TBCD: variants seen among roughly 807,000 people sequenced by gnomAD.
TBCD encodes the protein tubulin folding cofactor D.
A neutral mutation model predicts 169.3 loss-of-function variants in TBCD; 105 were observed. The observed-to-expected ratio is 0.62, with a 90% CI of 0.53 to 0.73. The LOEUF (loss-of-function observed/expected upper bound fraction) is 0.73. Among genes scored for constraint, TBCD ranks in the 30% least tolerant of loss-of-function variants. TBCD has a pLI of 0.00. For missense variants in TBCD, 1,444 were observed against 1,600.1 expected (o/e 0.90, Z 1.66); for synonymous variants, 700 against 643.9 (o/e 1.09, Z -1.32).
chr17:82,886,177 C>G (rs577071755), intron 15 of TBCD: 1 of 152,236 alleles, frequency 6.6e-6, no homozygotes, highest in Non-Finnish European at 1.5e-5. Context: ...CAAGACTGGC[C>G]GCGGTCGTCC....
At chr17:82,770,006 C>A (rs1031823672) in intron 5 of TBCD, among the ~76,000 whole-genome samples, 1 of 152,006 alleles carries the variant, frequency 6.6e-6, no homozygotes, top group Non-Finnish European at 1.5e-5. Flanking sequence ...CTCGTTTAAC[C>A]GAGAAGGCAA....
intron 7 of TBCD, among the ~76,000 whole-genome samples, chr17:82,786,955 G>T (rs2049363706): frequency 1.4e-5 from 1 of 70,368 alleles, no homozygotes; most frequent in Non-Finnish European, 2.8e-5. Context: ...GGGTGGGCGG[G>T]ACGGCTCGCT....
intron 5 of TBCD, among the ~76,000 whole-genome samples, chr17:82,768,856 T>C (rs1241936782): frequency 1.3e-5 from 2 of 152,206 alleles, no homozygotes; most frequent in Non-Finnish European, 2.9e-5. Flanking sequence ...TAAGGACCCA[T>C]TTTACATTTA....
At chr17:82,801,451 C>T (rs11078012) in intron 9 of TBCD, among the ~76,000 whole-genome samples, 53,036 of 149,444 alleles carry the variant, frequency 0.35, 9,202 homozygotes, top group Admixed American at 0.4. Flanking sequence ...TCGTGTGGCT[C>T]GGAGTCAGCG....
chr17:82,796,986 G>C (rs2050151773), intron 7 of TBCD, among the ~76,000 whole-genome samples: 1 of 152,248 alleles, frequency 6.6e-6, no homozygotes, highest in South Asian at 2.1e-4. Context: ...GACAGATGCA[G>C]TTCTCACCTT....
rs1046794577 is a variant in TBCD, at chr17:82,893,460, A to C, written c.1564-87A>C. The C allele has an allele frequency of 2.8e-6, 3 of 1,080,372 alleles. No individual in the cohort carries two copies. In the African/African-American group the frequency reaches 4.7e-5, roughly 17 times the overall value. 66.9% of individuals were successfully genotyped at this position (1,080,372 alleles called of 1,614,324 possible). ...CAGGGCTCGGGGTTCATGAGTGTAA[A>C]TGTCTGTGGATGTGATTATTGAACT... On this transcript the variant is annotated intron_variant, in intron 16 of 38. Transcript: ENST00000355528.
Position 82,926,480 on chromosome 17 carries a change from G to A in TBCD, c.2460G>A (p.Lys820=), listed in dbSNP as rs2061771338. The A allele has an allele frequency of 3.1e-6, 5 of 1,613,940 alleles. No individual in the cohort carries two copies. Among genetic ancestry groups the A allele is most frequent in the Non-Finnish European group, 4.2e-6 (5 of 1,179,870 alleles). The change falls in exon 28 of 39, where the codon AAG becomes AAA. Residue 820 remains lysine (K), a synonymous_variant. Coordinates refer to ENST00000355528, the MANE Select transcript of TBCD (RefSeq NM_005993.5). ...SFAESRRDGL[K]AIARICQTVG... ...CTGAGTCCAGGAGAGACGGCTTGAA[G>A]GCCATTGCGAGGTGAGTCCCAACAG...
chr17:82,774,637 A>G (rs586050), intron 6 of TBCD, among the ~76,000 whole-genome samples: 75,245 of 151,816 alleles, frequency 0.5, 20,017 homozygotes, highest in African/African-American at 0.71. Context: ...GGGCAGAGGC[A>G]CCCCCCACCT....
Position 82,792,698 on chromosome 17 carries a change from T to C in TBCD, c.772-5059T>C, listed in dbSNP as rs187166277. Reference sequence around the variant, plus strand: ...CCCCACCTGTGAAGGTAATTAGTGTTTACCTTACAGTCCAAAGTTTGGTGA... The same window carrying C: ...CCCCACCTGTGAAGGTAATTAGTGTCTACCTTACAGTCCAAAGTTTGGTGA... On this transcript the variant is annotated intron_variant, in intron 7 of 38. Coordinates refer to ENST00000355528, the MANE Select transcript of TBCD (RefSeq NM_005993.5). 5.7e-4 allele frequency among the ~76,000 whole-genome samples: 87 copies of C among 152,318 alleles called. 1 individual carries two copies. The highest frequency in any genetic ancestry group is 4.1e-3 in the Admixed American group (63 of 15,312).
At chr17:82,801,036 G>T (rs1165923649) in intron 9 of TBCD, 40 bp downstream of exon 9, 1 of 1,566,500 alleles carries the variant, frequency 6.4e-7, no homozygotes. Context: ...GGGCCACGGG[G>T]TGGGGAGGGG....
Position 82,832,652 on chromosome 17 carries a change from G to A in TBCD, c.1318+17718G>A. 1.6e-6 allele frequency: 1 copy of A among 620,824 alleles called. No homozygotes were observed. Among genetic ancestry groups the A allele is most frequent in the Admixed American group, 2.8e-5 (1 of 36,110 alleles). The allele number at this position is 620,824 out of a possible 1,614,324, so 38.5% of individuals were successfully genotyped here. On this transcript the variant is annotated intron_variant, in intron 13 of 38. Coordinates refer to ENST00000355528, the MANE Select transcript of TBCD (RefSeq NM_005993.5). This position sits in a 1 kb window ranked among gnomAD's most constrained non-coding sequence, Gnocchi z 4.9. Reference sequence around the variant, plus strand: ...CGGCTGGGAGCTGTAATAAAGAGCAGTCTTGGTGTCAGGACAGCGAGTGAG... The same window carrying A: ...CGGCTGGGAGCTGTAATAAAGAGCAATCTTGGTGTCAGGACAGCGAGTGAG...
rs940079074 is a variant in TBCD, at chr17:82,856,903, C to T, written c.1319-13321C>T. Among the ~76,000 whole-genome samples the T allele has an allele frequency of 1.6e-4, 24 of 145,544 alleles. No individual in the cohort carries two copies. In the East Asian group the frequency reaches 2.5e-3, roughly 15 times the overall value. ...CCTCGCTGCGCATCCAGGGCGGGAT[C>T]GCTGGACCGCGTGCGGACCCTCGGT... On this transcript the variant is annotated intron_variant, in intron 13 of 38. Transcript: ENST00000355528.
At chr17:82,868,987 G>A (rs1323989266) in intron 13 of TBCD, among the ~76,000 whole-genome samples, 6 of 152,316 alleles carry the variant, frequency 3.9e-5, no homozygotes, top group East Asian at 1.9e-4. Context: ...AGACCCTGGC[G>A]TGTGCGTGGA....
intron 6 of TBCD, among the ~76,000 whole-genome samples, chr17:82,777,607 AT>A (rs2048682849): frequency 6.6e-6 from 1 of 152,232 alleles, no homozygotes; most frequent in Non-Finnish European, 1.5e-5. Flanking sequence ...GGAGAAGGAG[AT>A]AAACAGCTTA....
rs755039025 is a variant in TBCD, at chr17:82,779,511, G to T, written c.639-2078G>T. On this transcript the variant is annotated intron_variant, in intron 6 of 38. Transcript: ENST00000355528. ...AAGCATGCTCCACAGGGACAGTGGC[G>T]GAGGGGAGAGGTCCTTGCTGTTACG... is the stretch of plus-strand genomic sequence containing the variant. Among the ~76,000 whole-genome samples, 9 of 152,338 alleles carry T rather than the reference G, an allele frequency of 5.9e-5. No homozygotes were observed. The East Asian group carries it at 1.7e-3, about 29-fold the overall frequency.
At chr17:82,887,192 C>T (rs567333796) in intron 15 of TBCD, among the ~76,000 whole-genome samples, 32 of 145,034 alleles carry the variant, frequency 2.2e-4, no homozygotes, top group African/African-American at 4.4e-4. Flanking sequence ...CGTGCGCTCA[C>T]GCGTTTACTT....
intron 13 of TBCD, among the ~76,000 whole-genome samples, chr17:82,854,076 A>G (rs1269858942): frequency 6.6e-6 from 1 of 152,170 alleles, no homozygotes; most frequent in Non-Finnish European, 1.5e-5. Flanking sequence ...CTACCCTCCA[A>G]GTAACACACA....
At chr17:82,912,394 G>A (rs1180600681) in intron 23 of TBCD, among the ~76,000 whole-genome samples, 1 of 150,004 alleles carries the variant, frequency 6.7e-6, no homozygotes, top group Non-Finnish European at 1.5e-5. Context: ...GGAGGGAAGC[G>A]TAGAACACAT....
intron 7 of TBCD, among the ~76,000 whole-genome samples, chr17:82,787,436 G>C (rs141972403): frequency 6.6e-6 from 1 of 152,230 alleles, no homozygotes; most frequent in African/African-American, 2.4e-5. Context: ...GGAGCATCTC[G>C]AGTCTTTCCA....
Sources: allele counts gnomAD v4.1 joint callset (sites outside exome capture counted in the v4.1 genomes callset), GRCh38; gene constraint gnomAD v4.1.1; non-coding constraint Gnocchi (gnomAD v3.1); transcripts MANE v1.5; gene names NCBI Gene and HGNC (gene_info 2026-07-23, HGNC 2026-07-21).